USPL1: variants seen among roughly 807,000 people sequenced by gnomAD.
USPL1 encodes ubiquitin specific peptidase like 1, also known as SUMO-specific isopeptidase USPL1.
Under a neutral mutation model 51.5 loss-of-function variants are expected in USPL1, and 27 were observed. The observed-to-expected ratio is 0.52, with a 90% CI of 0.39 to 0.72. USPL1 has a LOEUF of 0.72. Ranked by LOEUF, USPL1 falls within the 30% of genes least tolerant of loss-of-function variation. The probability of loss-of-function intolerance (pLI) is 0.00; values close to 1 mark genes in which losing one functional copy is unlikely to be tolerated. For synonymous variants in USPL1, 451 were observed against 459.6 expected, an observed-to-expected ratio of 0.98 and a Z score of 0.24; for missense variants, 1,226 against 1,268.0, an observed-to-expected ratio of 0.97 and a Z score of 0.50.
intron 7 of USPL1, among the ~76,000 whole-genome samples, chr13:30,652,087 A>AAT (rs1241837471): frequency 6.6e-6 from 1 of 152,234 alleles, no homozygotes; most frequent in Non-Finnish European, 1.5e-5. Flanking sequence ...CTGAAATGGT[A>AAT]ATATGTGAAA....
At chr13:30,635,159 A>T (rs1950858924) in intron 4 of USPL1, among the ~76,000 whole-genome samples, 1 of 152,166 alleles carries the variant, frequency 6.6e-6, no homozygotes, top group Admixed American at 6.5e-5. Flanking sequence ...AACTGTCTTG[A>T]TTTATAGGGA....
Position 30,659,318 on chromosome 13 carries a change from C to A in USPL1, c.3241C>A (p.Leu1081Ile). The change falls in exon 9 of 9, where the codon CTA (leucine) becomes ATA (isoleucine). Residue 1081 changes from leucine (L) to isoleucine (I), a missense_variant. Physicochemically the swap from Leu to Ile is conservative, Grantham distance 5. Transcript: ENST00000255304. ...LNALANDTLD[L>I]PHFDEYLFEN... is the part of the protein sequence containing the mutation. ...TGCTTTAGCAAATGACACATTAGAC[C>A]TACCTCATTTCGATGAATATCTGTT... The A allele has an allele frequency of 6.2e-7, 1 of 1,606,294 alleles. No homozygotes were observed. Among genetic ancestry groups the A allele is most frequent in the Non-Finnish European group, 8.5e-7 (1 of 1,175,172 alleles).
In USPL1 at chr13:30,631,418, C is replaced by T; in HGVS notation, c.812C>T (p.Thr271Ile). Residue 271 changes from threonine to isoleucine, a missense_variant, in exon 4 of 9, where the codon ACA (threonine) becomes ATA (isoleucine). Coordinates refer to ENST00000255304, the MANE Select transcript of USPL1 (RefSeq NM_005800.5). Reference sequence around the variant, plus strand: ...GAATCTATATTCTGGCGGTTGCTTACAAAATATAATCAAGCAAATACACTT... The same window carrying T: ...GAATCTATATTCTGGCGGTTGCTTATAAAATATAATCAAGCAAATACACTT... ...KEESIFWRLLTKYNQANTLLY... is the reference protein window; with the variant it reads ...KEESIFWRLLIKYNQANTLLY... 1 of 1,614,186 alleles carries T rather than the reference C, an allele frequency of 6.2e-7. No individual in the cohort carries two copies. The highest frequency in any genetic ancestry group is 2.2e-5 in the East Asian group (1 of 44,890).
chr13:30,637,895 C>T, intron 5 of USPL1, 38 bp downstream of exon 5: 1 of 1,402,376 alleles, frequency 7.1e-7, no homozygotes, highest in South Asian at 1.2e-5. Flanking sequence ...TTATACTCAT[C>T]TACCATATAG....
At position 30,631,094 on chromosome 13, in the gene USPL1, T is replaced by G; in HGVS notation, c.488T>G (p.Ile163Ser). The G allele has an allele frequency of 3.1e-6, 5 of 1,614,166 alleles. No homozygotes were observed. The highest frequency in any genetic ancestry group is 3.4e-6 in the Non-Finnish European group (4 of 1,180,036). ...LPDSSGQQNP[I>S]RTADSLERNE... ...GATAGTAGTGGTCAACAGAATCCAA[T>G]TAGGACAGCTGATTCCTTGGAGCGG... Residue 163 changes from isoleucine to serine, a missense_variant, in exon 4 of 9, where the codon ATT becomes AGT. Ile to Ser is a moderately radical substitution (Grantham distance 142). Coordinates refer to ENST00000255304, the MANE Select transcript of USPL1 (RefSeq NM_005800.5).
In USPL1 at chr13:30,658,280, C is replaced by G; in HGVS notation, c.2203C>G (p.Gln735Glu). The change falls in exon 9 of 9, where the codon CAA (glutamine) becomes GAA (glutamate). Residue 735 changes from glutamine to glutamate, a missense_variant. Gln to Glu is a conservative substitution (Grantham distance 29). Coordinates refer to ENST00000255304, the MANE Select transcript of USPL1 (RefSeq NM_005800.5). Reference protein sequence around the residue: ...LKKKETTADSQTTTSKSLQNQ... With the variant: ...LKKKETTADSETTTSKSLQNQ... Reference sequence around the variant, plus strand: ...GAAAAAAGAAACTACAGCAGATTCTCAAACCACAACATCTAAGTCATTACA... The same window carrying G: ...GAAAAAAGAAACTACAGCAGATTCTGAAACCACAACATCTAAGTCATTACA... 2 of 1,613,708 alleles carry G rather than the reference C, an allele frequency of 1.2e-6. No individual in the cohort carries two copies. Among genetic ancestry groups the G allele is most frequent in the African/African-American group, 1.3e-5 (1 of 74,994 alleles).
chr13:30,639,244 A>ATATATATATG (rs869216850), intron 5 of USPL1, among the ~76,000 whole-genome samples: 19 of 148,258 alleles, frequency 1.3e-4, no homozygotes, highest in African/African-American at 4.3e-4. Flanking sequence ...ATATATATAT[A>ATATATATATG]TGTGTGTATG....
intron 4 of USPL1, among the ~76,000 whole-genome samples, chr13:30,633,784 CAAAAA>C (rs61682331): frequency 1.9e-3 from 77 of 41,262 alleles, no homozygotes; most frequent in African/African-American, 5.0e-3. Flanking sequence ...GACTCTGTCT[CAAAAA>C]AAAAAAAAAA....
intron 3 of USPL1, among the ~76,000 whole-genome samples, chr13:30,628,954 A>G (rs1018959587): frequency 6.6e-6 from 1 of 152,068 alleles, no homozygotes; most frequent in Non-Finnish European, 1.5e-5. Flanking sequence ...AAGGATTCTC[A>G]GTTTTCTGAC....
rs1479505566 is a variant in USPL1 at position 30,658,151 on chromosome 13, A to G, written c.2074A>G (p.Lys692Glu). 1.2e-6 allele frequency: 2 copies of G among 1,613,424 alleles called. No homozygotes were observed. Among genetic ancestry groups the G allele is most frequent in the Admixed American group, 3.3e-5 (2 of 59,954 alleles). The change falls in exon 9 of 9, where the codon AAG becomes GAG. Residue 692 changes from lysine (K) to glutamate (E), a missense_variant. Physicochemically the swap from Lys to Glu is moderately conservative, Grantham distance 56 (BLOSUM62 1). Coordinates refer to ENST00000255304, the MANE Select transcript of USPL1 (RefSeq NM_005800.5). ...TGCTACTGGTCTTATACAGGGAGTG[A>G]AGTCAGTAGAAATTGAGAAGGACGC... ...TDATGLIQGV[K>E]SVEIEKDAQL...
At position 30,658,519 on chromosome 13, in the gene USPL1, A is replaced by G; in HGVS notation, c.2442A>G (p.Lys814=). Residue 814 remains lysine (K), a synonymous_variant, in exon 9 of 9, where the codon AAA becomes AAG. Coordinates refer to ENST00000255304, the MANE Select transcript of USPL1 (RefSeq NM_005800.5). ...INQKASHVSK[K]ARKSASKPPP... is the part of the protein sequence containing the mutation. ...AGAAGGCCAGCCACGTATCCAAGAA[A>G]GCTCGTAAGAGTGCAAGTAAGCCTC... 1 of 1,614,056 alleles carries G rather than the reference A, an allele frequency of 6.2e-7. No individual in the cohort carries two copies. The highest frequency in any genetic ancestry group is 8.5e-7 in the Non-Finnish European group (1 of 1,179,992).
intron 4 of USPL1, 147 bp downstream of exon 4, chr13:30,631,621 C>T (rs1292855449): frequency 1.4e-6 from 1 of 712,694 alleles, no homozygotes; most frequent in Non-Finnish European, 2.2e-6. Context: ...CCACCTCAGT[C>T]TCCCAAGTAG....
intron 5 of USPL1, among the ~76,000 whole-genome samples, chr13:30,638,476 C>T (rs1453147995): frequency 6.6e-6 from 1 of 152,122 alleles, no homozygotes; most frequent in Non-Finnish European, 1.5e-5. Flanking sequence ...GATGGGACCT[C>T]TTTGTTCTCT....
chr13:30,630,714 A>G, intron 3 of USPL1, 121 bp from the exon 4 acceptor site: 1 of 1,133,692 alleles, frequency 8.8e-7, no homozygotes, highest in South Asian at 1.8e-5. Flanking sequence ...TATGTGTATA[A>G]ATATAACCTG....
At chr13:30,649,471 A>T (rs1320165934) in intron 7 of USPL1, among the ~76,000 whole-genome samples, 9 of 152,352 alleles carry the variant, frequency 5.9e-5, no homozygotes, top group South Asian at 4.1e-4. Context: ...CACATAACCC[A>T]CATCTCTAAT....
intron 3 of USPL1, among the ~76,000 whole-genome samples, chr13:30,628,931 T>A (rs756428660): frequency 6.6e-6 from 1 of 152,182 alleles, no homozygotes. Context: ...TAAATACATA[T>A]ATGCTATTTT....
chr13:30,645,444 A>T (rs1951005885), intron 6 of USPL1, among the ~76,000 whole-genome samples: 1 of 152,220 alleles, frequency 6.6e-6, no homozygotes, highest in African/African-American at 2.4e-5. Flanking sequence ...TTTTAGAGAT[A>T]TATAGCACAA....
intron 8 of USPL1, among the ~76,000 whole-genome samples, chr13:30,654,627 G>A (rs1168049493): frequency 6.6e-6 from 1 of 152,150 alleles, no homozygotes; most frequent in African/African-American, 2.4e-5. Context: ...ACATAAAGTT[G>A]TCTATTTAAT....
Position 30,657,810 on chromosome 13 carries a change from G to T in USPL1, c.1733G>T (p.Gly578Val). The T allele has an allele frequency of 6.8e-6, 11 of 1,613,954 alleles. No individual in the cohort carries two copies. Among genetic ancestry groups the T allele is most frequent in the Non-Finnish European group, 9.3e-6 (11 of 1,180,018 alleles). ...HGDHLLSGPKGLVDNILPLTL... is the reference protein window; with the variant it reads ...HGDHLLSGPKVLVDNILPLTL... ...GATCATTTACTTTCAGGTCCAAAAG[G>T]TTTGGTTGACAATATTTTACCTCTG... The change falls in exon 9 of 9, where the codon GGT (glycine) becomes GTT (valine). Residue 578 changes from glycine (G) to valine (V), a missense_variant. Gly to Val is a moderately radical substitution (Grantham distance 109). Coordinates refer to ENST00000255304, the MANE Select transcript of USPL1 (RefSeq NM_005800.5).
Sources: allele counts gnomAD v4.1 joint callset (sites outside exome capture counted in the v4.1 genomes callset), GRCh38; gene constraint gnomAD v4.1.1; transcripts MANE v1.5; gene names NCBI Gene and HGNC (gene_info 2026-07-23, HGNC 2026-07-21).